The following AGAP1 variants were observed in gnomAD, a reference collection of about 807,000 sequenced individuals.
The protein encoded by AGAP1 is arf-GAP with GTPase, ANK repeat and PH domain-containing protein 1.
AGAP1 carries 29 observed loss-of-function variants against 105.3 expected under a neutral mutation model. The observed-to-expected ratio is 0.28, with a 90% CI of 0.21 to 0.38. The LOEUF (loss-of-function observed/expected upper bound fraction) is 0.38. Among genes scored for constraint, AGAP1 ranks in the 10% least tolerant of loss-of-function variants. AGAP1 has a pLI of 1.00. For missense variants in AGAP1, 998 were observed against 1,165.1 expected (o/e 0.86, Z 2.09); for synonymous variants, 509 against 485.9 (o/e 1.05, Z -0.63).
rs1427625411 is a variant in AGAP1, at chr2:236,053,475, G to A, written c.2114+4194G>A. Among the ~76,000 whole-genome samples the A allele has an allele frequency of 2.0e-5, 3 of 152,226 alleles. No individual in the cohort carries two copies. Among genetic ancestry groups the A allele is most frequent in the Admixed American group, 1.3e-4 (2 of 15,290 alleles). On this transcript the variant is annotated intron_variant, in intron 16 of 17. Coordinates refer to ENST00000304032, the MANE Select transcript of AGAP1 (RefSeq NM_001037131.3). This position sits in a 1 kb window ranked among gnomAD's most constrained non-coding sequence, Gnocchi z 4.6. ...AGTGTTTCCGGGGCTGCACGGCAGC[G>A]CCCTGGCCCGTTGTTCTTTATTGTT...
chr2:235,708,960 T>C (rs1950688559), intron 1 of AGAP1, among the ~76,000 whole-genome samples: 1 of 152,198 alleles, frequency 6.6e-6, no homozygotes. Flanking sequence ...ATAGAGCATG[T>C]GTTACCGACC....
chr2:235,621,536 A>ACGTCTCTGAGCCGG lies in AGAP1; in HGVS notation c.164-87641_164-87628dup, dbSNP rs1386421802. On this transcript the variant is annotated intron_variant, in intron 1 of 17. Coordinates refer to ENST00000304032, the MANE Select transcript of AGAP1 (RefSeq NM_001037131.3). This position sits in a 1 kb window ranked among gnomAD's most constrained non-coding sequence, Gnocchi z 4.1. ...ATGTGAATGTGTCAAGGGCCCTGTC[A>ACGTCTCTGAGCCGG]CGTCTCTGAGCCGGCTTCTCTGGGC... Among the ~76,000 whole-genome samples, 21 of 152,106 alleles carry ACGTCTCTGAGCCGG rather than the reference A, an allele frequency of 1.4e-4. No homozygotes were observed. Among genetic ancestry groups the ACGTCTCTGAGCCGG allele is most frequent in the African/African-American group, 4.8e-4 (20 of 41,414 alleles).
Position 235,927,163 on chromosome 2 carries a change from G to C in AGAP1, c.1325-3602G>C, listed in dbSNP as rs1022289244. On this transcript the variant is annotated intron_variant, in intron 11 of 17. Coordinates refer to ENST00000304032, the MANE Select transcript of AGAP1 (RefSeq NM_001037131.3). The surrounding 1 kb of genome is among the most constrained non-coding windows in gnomAD (Gnocchi z 4.4). ...CCGCAGTGGGAAGTGGGTGTGGCTG[G>C]GGCTGGGGGGCCTTCACGAGCTATA... Among the ~76,000 whole-genome samples the C allele has an allele frequency of 6.6e-6, 1 of 152,160 alleles. No homozygotes were observed. Among genetic ancestry groups the C allele is most frequent in the Non-Finnish European group, 1.5e-5 (1 of 68,024 alleles).
intron 1 of AGAP1, among the ~76,000 whole-genome samples, chr2:235,539,389 A>G (rs895611241): frequency 2.0e-5 from 3 of 152,040 alleles, no homozygotes; most frequent in African/African-American, 7.2e-5. Flanking sequence ...GCCCATTTTG[A>G]GGGAAGGGAA....
chr2:235,995,065 CAAAAAAAAAAAA>C (rs58097220), intron 13 of AGAP1, among the ~76,000 whole-genome samples: 312 of 60,968 alleles, frequency 5.1e-3, no homozygotes, highest in Non-Finnish European at 7.6e-3. Context: ...GACTCTGTCT[CAAAAAAAAAAAA>C]AAAAAAAAAA....
At chr2:236,091,646 A>G (rs56915161) in intron 16 of AGAP1, among the ~76,000 whole-genome samples, 17,715 of 152,146 alleles carry the variant, frequency 0.12, 1,797 homozygotes, top group African/African-American at 0.26. Context: ...GGTGGCGTGC[A>G]CCTTAGTCCC....
Position 235,609,515 on chromosome 2 carries a change from G to A in AGAP1, c.164-99664G>A, listed in dbSNP as rs550471791. Among the ~76,000 whole-genome samples, 1 of 152,204 alleles carries A rather than the reference G, an allele frequency of 6.6e-6. No individual in the cohort carries two copies. Among genetic ancestry groups the A allele is most frequent in the African/African-American group, 2.4e-5 (1 of 41,542 alleles). On this transcript the variant is annotated intron_variant, in intron 1 of 17. Coordinates refer to ENST00000304032, the MANE Select transcript of AGAP1 (RefSeq NM_001037131.3). This position sits in a 1 kb window ranked among gnomAD's most constrained non-coding sequence, Gnocchi z 5.1. ...AGGGAGTGGGGAAGGCAGGCTGGGC[G>A]TGCTGTGGTTATAGGCAGCCTACAT...
Position 235,566,552 on chromosome 2 carries a change from T to C in AGAP1, c.163+71703T>C, listed in dbSNP as rs1944352700. Reference sequence around the variant, plus strand: ...GCGCCGTACGTTTTGGCCAGCACTTTATTTTATGGAACAGAGGACTAGATG... The same window carrying C: ...GCGCCGTACGTTTTGGCCAGCACTTCATTTTATGGAACAGAGGACTAGATG... On this transcript the variant is annotated intron_variant, in intron 1 of 17. Transcript: ENST00000304032. This position sits in a 1 kb window ranked among gnomAD's most constrained non-coding sequence, Gnocchi z 5.2. 2.0e-6 allele frequency: 2 copies of C among 985,066 alleles called. No individual in the cohort carries two copies. Among genetic ancestry groups the C allele is most frequent in the African/African-American group, 1.7e-5 (1 of 57,228 alleles). 61.0% of individuals were successfully genotyped at this position (985,066 alleles called of 1,614,324 possible). A position where few individuals can be genotyped will look rare whatever the true frequency, so the allele number is the denominator to read the frequency against.
chr2:236,117,815 CTTCTTT>C (rs1166837329), intron 16 of AGAP1, among the ~76,000 whole-genome samples: 1 of 152,144 alleles, frequency 6.6e-6, no homozygotes, highest in Non-Finnish European at 1.5e-5. Flanking sequence ...ATCAGAACTG[CTTCTTT>C]TTGTCTGTCT....
intron 1 of AGAP1, among the ~76,000 whole-genome samples, chr2:235,590,700 T>TGC: frequency 1.8e-5 from 2 of 109,528 alleles, no homozygotes; most frequent in South Asian, 6.2e-4. Flanking sequence ...TGCGTGTGTG[T>TGC]GTGTGTGTGT....
intron 1 of AGAP1, among the ~76,000 whole-genome samples, chr2:235,512,560 C>G (rs1942193343): frequency 6.6e-6 from 1 of 152,200 alleles, no homozygotes; most frequent in Non-Finnish European, 1.5e-5. Flanking sequence ...CACCACTACC[C>G]TCCAACCTGG....
Position 236,035,782 on chromosome 2 carries a change from C to T in AGAP1, c.1646-779C>T, listed in dbSNP as rs185505001. On this transcript the variant is annotated intron_variant, in intron 13 of 17. Transcript: ENST00000304032. The surrounding 1 kb of genome is among the most constrained non-coding windows in gnomAD (Gnocchi z 4.2). ...TCTCCTATGGACCAGGTCCCAAGTC[C>T]GCATGGGTCTGTACACTTCATGGAA... Among the ~76,000 whole-genome samples, 9 of 152,192 alleles carry T rather than the reference C, an allele frequency of 5.9e-5. No homozygotes were observed. Among genetic ancestry groups the T allele is most frequent in the African/African-American group, 1.2e-4 (5 of 41,526 alleles).
chr2:235,809,771 T>G (rs1365673774), intron 9 of AGAP1, among the ~76,000 whole-genome samples: 1 of 152,152 alleles, frequency 6.6e-6, no homozygotes, highest in Non-Finnish European at 1.5e-5. Flanking sequence ...TGTGATGACT[T>G]CAGTGTGGAA....
rs1276284103 is a variant in AGAP1 at position 236,113,265 on chromosome 2, C to T, written c.2115-6927C>T. Among the ~76,000 whole-genome samples the T allele has an allele frequency of 2.0e-5, 3 of 151,986 alleles. No homozygotes were observed. Among genetic ancestry groups the T allele is most frequent in the African/African-American group, 4.8e-5 (2 of 41,382 alleles). On this transcript the variant is annotated intron_variant, in intron 16 of 17. Transcript: ENST00000304032. This position sits in a 1 kb window ranked among gnomAD's most constrained non-coding sequence, Gnocchi z 4.3. The stretch of plus-strand genomic sequence containing the variant: ...AAGCAATTCTCTGCCTCAGCCCCCC[C>T]GAGTAGCTGGGATTACAGGCATCCG...
rs766046824 is a variant in AGAP1 at position 236,061,252 on chromosome 2, G to T, written c.2114+11971G>T. On this transcript the variant is annotated intron_variant, in intron 16 of 17. Transcript: ENST00000304032. The surrounding 1 kb of genome is among the most constrained non-coding windows in gnomAD (Gnocchi z 4.1). ...GTCGTGGCAAGTGTTGGTGAGGAACGTGGAGACACTGGTGCAGCCACTTGG... is the reference window on the plus strand; with the variant it reads ...GTCGTGGCAAGTGTTGGTGAGGAACTTGGAGACACTGGTGCAGCCACTTGG... Among the ~76,000 whole-genome samples the T allele has an allele frequency of 6.6e-6, 1 of 152,174 alleles. No individual in the cohort carries two copies.
intron 1 of AGAP1, among the ~76,000 whole-genome samples, chr2:235,548,940 A>G (rs762157676): frequency 7.2e-5 from 11 of 152,164 alleles, no homozygotes; most frequent in Non-Finnish European, 1.3e-4. Flanking sequence ...CTGTGTTTGT[A>G]CCTGGTCCTT....
intron 11 of AGAP1, among the ~76,000 whole-genome samples, chr2:235,916,002 A>G (rs936197335): frequency 6.6e-6 from 1 of 152,218 alleles, no homozygotes; most frequent in Non-Finnish European, 1.5e-5. Context: ...AATATAATGG[A>G]AATATTCCCT....
intron 9 of AGAP1, among the ~76,000 whole-genome samples, chr2:235,857,142 C>G (rs1447015278): frequency 6.6e-6 from 1 of 152,176 alleles, no homozygotes; most frequent in Non-Finnish European, 1.5e-5. Context: ...GGCCACACAG[C>G]AAGAGGTGAG....
intron 1 of AGAP1, among the ~76,000 whole-genome samples, chr2:235,537,640 A>G (rs745751328): frequency 1.3e-4 from 20 of 152,226 alleles, no homozygotes; most frequent in Admixed American, 7.9e-4. Context: ...TCTTATTACT[A>G]TCAATATTAA....
Sources: allele counts gnomAD v4.1 joint callset (sites outside exome capture counted in the v4.1 genomes callset), GRCh38; gene constraint gnomAD v4.1.1; non-coding constraint Gnocchi (gnomAD v3.1); transcripts MANE v1.5; gene names NCBI Gene and HGNC (gene_info 2026-07-23, HGNC 2026-07-21).